PPP2R2B: variants seen among roughly 807,000 people sequenced by gnomAD.
The protein encoded by PPP2R2B is protein phosphatase 2 regulatory subunit Bbeta.
PPP2R2B carries 5 observed loss-of-function variants against 46.0 expected under a neutral mutation model. The observed-to-expected ratio is 0.11, with a 90% confidence interval of 0.06 to 0.23. The LOEUF is 0.23. Among genes scored for constraint, PPP2R2B ranks in the 10% least tolerant of loss-of-function variants. The pLI is 1.00. For synonymous variants in PPP2R2B, 215 were observed against 206.7 expected (o/e 1.04, Z -0.34); for missense variants, 367 against 575.0 (o/e 0.64, Z 3.70).
intron 1 of PPP2R2B, among the ~76,000 whole-genome samples, chr5:146,951,221 A>G (rs534864482): frequency 6.6e-6 from 1 of 152,102 alleles, no homozygotes; most frequent in Admixed American, 6.6e-5. Context: ...ATAATATACA[A>G]TAGAATGTAT....
chr5:146,941,015 G>A (rs910971762), intron 1 of PPP2R2B, among the ~76,000 whole-genome samples: 4 of 152,112 alleles, frequency 2.6e-5, no homozygotes, highest in Admixed American at 2.0e-4. Context: ...TTAGAGCCTC[G>A]ATTTTACATT....
At chr5:146,801,807 T>C (rs1416606449) in intron 2 of PPP2R2B, among the ~76,000 whole-genome samples, 2 of 152,220 alleles carry the variant, frequency 1.3e-5, no homozygotes, top group African/African-American at 2.4e-5. Flanking sequence ...CTGGCTATTA[T>C]CATAATCCCG....
intron 1 of PPP2R2B, among the ~76,000 whole-genome samples, chr5:146,904,459 A>G (rs1392240158): frequency 6.6e-6 from 1 of 152,216 alleles, no homozygotes; most frequent in Non-Finnish European, 1.5e-5. Flanking sequence ...GTCCTGGGGT[A>G]GGAGGTAACT....
chr5:146,992,506 C>T (rs56757250), intron 1 of PPP2R2B, among the ~76,000 whole-genome samples: 4,106 of 152,124 alleles, frequency 0.027, 144 homozygotes, highest in East Asian at 0.19. Context: ...CTCTATGTTG[C>T]GGGGAGGGCT....
At chr5:146,856,646 A>G (rs2151388249) in intron 2 of PPP2R2B, 2 of 1,178,444 alleles carry the variant, frequency 1.7e-6, no homozygotes, top group South Asian at 2.4e-5. Context: ...ACTTTTGGTA[A>G]CATACAGGTG....
intron 1 of PPP2R2B, among the ~76,000 whole-genome samples, chr5:146,890,014 T>C (rs891372488): frequency 6.6e-6 from 1 of 152,214 alleles, no homozygotes; most frequent in African/African-American, 2.4e-5. Flanking sequence ...GTGTCCTGAA[T>C]CCCATGATCA....
chr5:147,069,932 A>C (rs1166617615), intron 2 of PPP2R2B, among the ~76,000 whole-genome samples: 1 of 151,592 alleles, frequency 6.6e-6, no homozygotes, highest in Non-Finnish European at 1.5e-5. Context: ...CTGGGATTAC[A>C]GACGCCTGCC....
chr5:146,628,371 C>A (rs999564575), intron 7 of PPP2R2B, among the ~76,000 whole-genome samples: 3 of 152,194 alleles, frequency 2.0e-5, no homozygotes, highest in Non-Finnish European at 2.9e-5. Flanking sequence ...TGTGGCCAAT[C>A]CTTGGGCTGC....
At chr5:146,707,116 C>A in intron 2 of PPP2R2B, 1 of 1,594,520 alleles carries the variant, frequency 6.3e-7, no homozygotes. Context: ...CTGCGTGTTG[C>A]CAAGCTCCGC....
intron 2 of PPP2R2B, among the ~76,000 whole-genome samples, chr5:146,843,587 TCTCA>T (rs1759800001): frequency 6.6e-6 from 1 of 152,190 alleles, no homozygotes; most frequent in Non-Finnish European, 1.5e-5. Context: ...GATGATATCA[TCTCA>T]CTGTCTATTT....
chr5:147,063,872 C>T (rs1757342693), intron 2 of PPP2R2B, among the ~76,000 whole-genome samples: 1 of 152,150 alleles, frequency 6.6e-6, no homozygotes, highest in Non-Finnish European at 1.5e-5. Flanking sequence ...CTTAGAGATA[C>T]AGAATAGGCA....
At chr5:147,019,811 T>C (rs1755177328) in intron 1 of PPP2R2B, among the ~76,000 whole-genome samples, 1 of 152,202 alleles carries the variant, frequency 6.6e-6, no homozygotes, top group Non-Finnish European at 1.5e-5. Context: ...ATTTAAAATA[T>C]TTCCTAGAGA....
intron 2 of PPP2R2B, among the ~76,000 whole-genome samples, chr5:146,711,146 T>G (rs1044992105): frequency 6.6e-6 from 1 of 152,240 alleles, no homozygotes; most frequent in Non-Finnish European, 1.5e-5. Flanking sequence ...TTCAGTCTCT[T>G]CATTGTAAAC....
chr5:146,838,146 C>T (rs1759406033), intron 2 of PPP2R2B, among the ~76,000 whole-genome samples: 1 of 152,152 alleles, frequency 6.6e-6, no homozygotes, highest in Non-Finnish European at 1.5e-5. Flanking sequence ...GCTTGGTAGA[C>T]CCTGTGTTGG....
At chr5:146,973,205 A>C (rs878976499) in intron 1 of PPP2R2B, among the ~76,000 whole-genome samples, 1 of 152,160 alleles carries the variant, frequency 6.6e-6, no homozygotes, top group Admixed American at 6.5e-5. Context: ...CCCAGTAGCA[A>C]TTTATGGCCT....
chr5:146,686,051 C>A (rs186058498), intron 5 of PPP2R2B, among the ~76,000 whole-genome samples: 2 of 152,138 alleles, frequency 1.3e-5, no homozygotes, highest in African/African-American at 4.8e-5. Context: ...TGGAGTCATG[C>A]GGACTAGGTT....
At chr5:146,676,107 C>CT (rs1406125666) in intron 5 of PPP2R2B, among the ~76,000 whole-genome samples, 5 of 152,096 alleles carry the variant, frequency 3.3e-5, no homozygotes, top group African/African-American at 1.2e-4. Flanking sequence ...CAGCTGGGGG[C>CT]TAGAGGGCAA....
rs531002629 is a variant in PPP2R2B at position 146,693,721 on chromosome 5, G to A, written c.335-2481C>T. On this transcript the variant is annotated intron_variant, in intron 4 of 9. Transcript: ENST00000394411. Reference sequence around the variant, plus strand: ...AACAGTATCTTCCTCATGGGGCTCTGATGAGGATTAAATAAGTCACAGCAT... The same window carrying A: ...AACAGTATCTTCCTCATGGGGCTCTAATGAGGATTAAATAAGTCACAGCAT... Among the ~76,000 whole-genome samples, 178 of 152,312 alleles carry A rather than the reference G, an allele frequency of 1.2e-3. 3 individuals are homozygous for A. The South Asian group carries it at 0.027, about 23-fold the overall frequency.
rs67810307 is a variant in PPP2R2B at position 146,764,800 on chromosome 5, C to CGAGAGAGAGAGAGA, written c.71-63672_71-63659dup. 5.4e-3 allele frequency among the ~76,000 whole-genome samples: 812 copies of CGAGAGAGAGAGAGA among 149,924 alleles called. 10 individuals are homozygous for CGAGAGAGAGAGAGA. The highest frequency in any genetic ancestry group is 0.019 in the African/African-American group (762 of 40,698). ...GTCTCTTTATGGAACATCTCTATCC[C>CGAGAGAGAGAGAGA]GAGAGAGAGAGAGAGAGAGAGAGAG... On this transcript the variant is annotated intron_variant, in intron 2 of 9. Transcript: ENST00000394411.
Sources: gnomAD v4.1 joint callset for allele counts (sites outside exome capture counted in the v4.1 genomes callset) on GRCh38, gnomAD v4.1.1 for gene constraint, MANE v1.5 for transcripts, NCBI Gene and HGNC (gene_info 2026-07-23, HGNC 2026-07-21) for gene names.